The following COL7A1 variants were observed in gnomAD, a reference collection of about 807,000 sequenced individuals.
COL7A1 encodes the protein collagen type VII alpha 1 chain, also known as collagen alpha-1(VII) chain.
In COL7A1, 296 loss-of-function variants were observed where a neutral mutation model predicts 456.2. That is an observed-to-expected ratio of 0.65 (90% CI 0.59 to 0.71). COL7A1 has a LOEUF of 0.71. Ranked by LOEUF, COL7A1 falls within the 30% of genes least tolerant of loss-of-function variation. The probability of loss-of-function intolerance (pLI) is 0.00; values close to 1 mark genes in which losing one functional copy is unlikely to be tolerated. For synonymous variants in COL7A1, 1,464 were observed against 1,525.9 expected, an observed-to-expected ratio of 0.96 and a Z score of 0.95; for missense variants, 3,441 against 4,017.2, an observed-to-expected ratio of 0.86 and a Z score of 3.88.
In COL7A1 at chr3:48,580,325, C is replaced by A. The variant is rs759183554; in HGVS notation, c.5072G>T (p.Gly1691Val). The change falls in exon 56 of 119, where the codon GGA becomes GTA. Residue 1691 changes from glycine to valine, a missense_variant. This residue lies in a region of COL7A1 where 2,084 missense variants were observed against 2,501.3 expected (regional missense o/e 0.83). Transcript: ENST00000681320. This position sits in a 1 kb window ranked among gnomAD's most constrained non-coding sequence, Gnocchi z 4.5. ...DGRNGSPGSSGPKGDRGEPGP... is the reference protein window; with the variant it reads ...DGRNGSPGSSVPKGDRGEPGP... ...CGGCTCCCCACGGTCACCCTTGGGTCCAGATGATCCAGGGCTGCCCTGCAG... is the reference window on the plus strand; with the variant it reads ...CGGCTCCCCACGGTCACCCTTGGGTACAGATGATCCAGGGCTGCCCTGCAG... 1.2e-6 allele frequency: 2 copies of A among 1,610,076 alleles called. No homozygotes were observed. The highest frequency in any genetic ancestry group is 1.1e-5 in the South Asian group (1 of 90,306).
At position 48,576,930 on chromosome 3, in the gene COL7A1, CA is replaced by C; in HGVS notation, c.5569-12del. 6.2e-7 allele frequency: 1 copy of C among 1,614,050 alleles called. No individual in the cohort carries two copies. ...ATCTCCTTTCTCTCCCTAAGGAAGA[CA>C]AGGATGCTTCAGGCATGGCTCCAAG... On this transcript the variant is annotated splice_polypyrimidine_tract_variant and intron_variant, in intron 66 of 118. Transcript: ENST00000681320.
In COL7A1 at chr3:48,565,761, G is replaced by A. The variant is rs559436630; in HGVS notation, c.8408-93C>T. 3 of 1,202,264 alleles carry A rather than the reference G, an allele frequency of 2.5e-6. No individual in the cohort carries two copies. The Admixed American group carries it at 5.9e-5, about 24-fold the overall frequency. 74.5% of individuals were successfully genotyped at this position (1,202,264 alleles called of 1,614,324 possible). ...AGAGACACACAGGCAGAGGGGTAGA[G>A]ATACACAAAGAGATAGCAGGAGAGG... On this transcript the variant is annotated intron_variant, in intron 114 of 118. Coordinates refer to ENST00000681320, the MANE Select transcript of COL7A1 (RefSeq NM_000094.4). The surrounding 1 kb of genome is among the most constrained non-coding windows in gnomAD (Gnocchi z 4.5).
rs1029171935 is a variant in COL7A1 at position 48,579,336 on chromosome 3, C to A, written c.5307+33G>T. The A allele has an allele frequency of 2.5e-6, 4 of 1,614,070 alleles. No homozygotes were observed. The highest frequency in any genetic ancestry group is 3.4e-6 in the Non-Finnish European group (4 of 1,180,042). On this transcript the variant is annotated intron_variant, in intron 61 of 118. Transcript: ENST00000681320. This position sits in a 1 kb window ranked among gnomAD's most constrained non-coding sequence, Gnocchi z 4.4. The stretch of plus-strand genomic sequence containing the variant: ...GCTGAGGTGGATCTGATAACCCAGG[C>A]TCATGTCCTGAGAAACCCCCACACC...
At position 48,593,366 on chromosome 3, in the gene COL7A1, T is replaced by C. The variant is rs1227414518; in HGVS notation, c.510A>G (p.Leu170=). 6.8e-6 allele frequency: 11 copies of C among 1,613,842 alleles called. No individual in the cohort carries two copies. Among genetic ancestry groups the C allele is most frequent in the African/African-American group, 1.3e-5 (1 of 74,866 alleles). ...CTGCTCGGTCCTTACCCACAGCAAATAGCTTGACCCCCTGCCCCTTCAGCC... is the reference window on the plus strand; with the variant it reads ...CTGCTCGGTCCTTACCCACAGCAAACAGCTTGACCCCCTGCCCCTTCAGCC... The part of the protein sequence containing the change: ...AQRLKGQGVK[L]FAVGIKNADP... The change falls in exon 5 of 119, where the codon CTA becomes CTG. Residue 170 remains leucine (L), a synonymous_variant. Coordinates refer to ENST00000681320, the MANE Select transcript of COL7A1 (RefSeq NM_000094.4). This position sits in a 1 kb window ranked among gnomAD's most constrained non-coding sequence, Gnocchi z 4.4.
Position 48,586,673 on chromosome 3 carries a change from T to A in COL7A1, c.3293A>T (p.Tyr1098Phe). 2 of 1,599,058 alleles carry A rather than the reference T, an allele frequency of 1.3e-6. No homozygotes were observed. Among genetic ancestry groups the A allele is most frequent in the Non-Finnish European group, 1.7e-6 (2 of 1,172,576 alleles). The stretch of plus-strand genomic sequence containing the variant: ...GAACAGTGGGGAGGGCCGATGACTG[T>A]AAGACAGCAGGCCAACCTGGGGTGG... ...PQAVQVGLLSYSHRPSPLFPL... is the reference protein window; with the variant it reads ...PQAVQVGLLSFSHRPSPLFPL... Residue 1098 changes from tyrosine (Y) to phenylalanine (F), a missense_variant, in exon 26 of 119, where the codon TAC becomes TTC. This residue lies in a region of COL7A1 where 444 missense variants were observed against 427.6 expected (regional missense o/e 1.04). Transcript: ENST00000681320. The surrounding 1 kb of genome is among the most constrained non-coding windows in gnomAD (Gnocchi z 5.1).
At position 48,582,997 on chromosome 3, in the gene COL7A1, C is replaced by T. The variant is rs758736090; in HGVS notation, c.4518+16G>A. The stretch of plus-strand genomic sequence containing the variant: ...GCCAGGTCAGCTGGTATGAGCATTG[C>T]AGCCAGTGGGTTTACCCGGGATCCC... On this transcript the variant is annotated intron_variant, in intron 44 of 118. Coordinates refer to ENST00000681320, the MANE Select transcript of COL7A1 (RefSeq NM_000094.4). 1 of 1,613,938 alleles carries T rather than the reference C, an allele frequency of 6.2e-7. No homozygotes were observed. The highest frequency in any genetic ancestry group is 1.3e-5 in the African/African-American group (1 of 74,876).
chr3:48,593,627 G>A lies in COL7A1; in HGVS notation c.336C>T (p.Tyr112=). The change falls in exon 4 of 119, where the codon TAC becomes TAT. Residue 112 remains tyrosine (Y), a synonymous_variant. Coordinates refer to ENST00000681320, the MANE Select transcript of COL7A1 (RefSeq NM_000094.4). The surrounding 1 kb of genome is among the most constrained non-coding windows in gnomAD (Gnocchi z 4.4). ...DVIRAIRELS[Y]KGGNTRTGAA... ...CCCCTGTGCGAGTGTTGCCCCCCTT[G>A]TAGCTAAGCTCACGGATGGCGCGGA... 1.2e-6 allele frequency: 2 copies of A among 1,614,198 alleles called. No homozygotes were observed. Among genetic ancestry groups the A allele is most frequent in the Non-Finnish European group, 1.7e-6 (2 of 1,180,030 alleles).
At position 48,573,964 on chromosome 3, in the gene COL7A1, T is replaced by C; in HGVS notation, c.6502-74A>G. 1.3e-6 allele frequency: 2 copies of C among 1,569,528 alleles called. No homozygotes were observed. The highest frequency in any genetic ancestry group is 1.7e-6 in the Non-Finnish European group (2 of 1,150,742). ...CTGTTCCCAACCTCTGGGGGCTTTT[T>C]CCTTGGGGGTCAATTTCCATACCTC... On this transcript the variant is annotated intron_variant, in intron 80 of 118. Transcript: ENST00000681320. This position sits in a 1 kb window ranked among gnomAD's most constrained non-coding sequence, Gnocchi z 5.5.
Position 48,587,742 on chromosome 3 carries a change from C to T in COL7A1, c.2857+51G>A, listed in dbSNP as rs1278690061. 1.2e-6 allele frequency: 2 copies of T among 1,613,090 alleles called. No individual in the cohort carries two copies. The highest frequency in any genetic ancestry group is 1.1e-5 in the South Asian group (1 of 91,056). ...CACTCAGAGTCGGGGTGCAGGAAGT[C>T]AGGGTGGGTCATCAGCAGGGGAGGA... On this transcript the variant is annotated intron_variant, in intron 22 of 118. Transcript: ENST00000681320. This position sits in a 1 kb window ranked among gnomAD's most constrained non-coding sequence, Gnocchi z 6.1.
At position 48,567,624 on chromosome 3, in the gene COL7A1, C is replaced by T. The variant is rs1449023738; in HGVS notation, c.7996G>A (p.Val2666Met). ...GHKGEMGEPG[V>M]PGQSGAPGKE... The stretch of plus-strand genomic sequence containing the variant: ...CCAGGGGCCCCCGACTGGCCCGGCA[C>T]ACCAGGCTCCCCCTGGAGAAAAAAA... Residue 2666 changes from valine (V) to methionine (M), a missense_variant, in exon 109 of 119, where the codon GTG becomes ATG. Around this residue, in one of 3 missense-constraint regions of COL7A1, gnomAD observed 2,084 missense variants for 2,501.3 expected, o/e 0.83. Transcript: ENST00000681320. The surrounding 1 kb of genome is among the most constrained non-coding windows in gnomAD (Gnocchi z 4.3). 2 of 1,613,976 alleles carry T rather than the reference C, an allele frequency of 1.2e-6. No individual in the cohort carries two copies. Among genetic ancestry groups the T allele is most frequent in the Non-Finnish European group, 1.7e-6 (2 of 1,180,012 alleles).
Position 48,565,265 on chromosome 3 carries a change from C to A in COL7A1, c.8528-64G>T. ...TGGCCCCGGGGCAAGGTGGGCAGCACTGATTTCCACTGTGTGCACACAGTG... is the reference window on the plus strand; with the variant it reads ...TGGCCCCGGGGCAAGGTGGGCAGCAATGATTTCCACTGTGTGCACACAGTG... On this transcript the variant is annotated intron_variant, in intron 116 of 118. Transcript: ENST00000681320. The surrounding 1 kb of genome is among the most constrained non-coding windows in gnomAD (Gnocchi z 4.5). 6.6e-7 allele frequency: 1 copy of A among 1,526,094 alleles called. No homozygotes were observed. Among genetic ancestry groups the A allele is most frequent in the Non-Finnish European group, 9.0e-7 (1 of 1,110,932 alleles). 94.5% of individuals were successfully genotyped at this position (1,526,094 alleles called of 1,614,324 possible).
At position 48,567,057 on chromosome 3, in the gene COL7A1, G is replaced by A. The variant is rs1259873709; in HGVS notation, c.8110-34C>T. 3 of 1,613,208 alleles carry A rather than the reference G, an allele frequency of 1.9e-6. No homozygotes were observed. Among genetic ancestry groups the A allele is most frequent in the Non-Finnish European group, 1.7e-6 (2 of 1,179,456 alleles). ...ATATAGGACAGAGTCAGTAATCAGA[G>A]GCCCCAGAGATGGACCCTCTCCCAA... is the stretch of plus-strand genomic sequence containing the variant. On this transcript the variant is annotated intron_variant, in intron 110 of 118. Transcript: ENST00000681320. This position sits in a 1 kb window ranked among gnomAD's most constrained non-coding sequence, Gnocchi z 4.3.
In COL7A1 at chr3:48,588,710, T is replaced by C; in HGVS notation, c.2519A>G (p.Tyr840Cys). The C allele has an allele frequency of 3.7e-6, 6 of 1,613,828 alleles. No individual in the cohort carries two copies. Among genetic ancestry groups the C allele is most frequent in the Non-Finnish European group, 5.1e-6 (6 of 1,180,028 alleles). ...GACAAGTGCAGTCACTCGCACTGAG[T>C]AGCTGACTCCACCTTCGAGACCCCG... is the stretch of plus-strand genomic sequence containing the variant. ...EIRGLEGGVS[Y>C]SVRVTALVGD... Residue 840 changes from tyrosine to cysteine, a missense_variant, in exon 20 of 119, where the codon TAC becomes TGC. Coordinates refer to ENST00000681320, the MANE Select transcript of COL7A1 (RefSeq NM_000094.4). This position sits in a 1 kb window ranked among gnomAD's most constrained non-coding sequence, Gnocchi z 4.6.
chr3:48,580,289 GC>G lies in COL7A1; in HGVS notation c.5097+10del. ...CATCCCTTCTGAGCCCAGGACACCA[GC>G]CCTACTCACCGGCTCCCCACGGTCA... On this transcript the variant is annotated intron_variant, in intron 56 of 118. Transcript: ENST00000681320. This position sits in a 1 kb window ranked among gnomAD's most constrained non-coding sequence, Gnocchi z 4.5. 1 of 1,609,458 alleles carries G rather than the reference GC, an allele frequency of 6.2e-7. No individual in the cohort carries two copies. The highest frequency in any genetic ancestry group is 1.3e-5 in the African/African-American group (1 of 74,916).
chr3:48,578,145 C>G lies in COL7A1; in HGVS notation c.5532+176G>C, dbSNP rs974137181. ...TGCCACTGCACTCCAACCTGGGCAACAAGAGCGAAACTCCATCTCAAAAAA... is the reference window on the plus strand; with the variant it reads ...TGCCACTGCACTCCAACCTGGGCAAGAAGAGCGAAACTCCATCTCAAAAAA... On this transcript the variant is annotated intron_variant, in intron 65 of 118. Coordinates refer to ENST00000681320, the MANE Select transcript of COL7A1 (RefSeq NM_000094.4). This position sits in a 1 kb window ranked among gnomAD's most constrained non-coding sequence, Gnocchi z 4.7. 1.3e-5 allele frequency among the ~76,000 whole-genome samples: 2 copies of G among 151,354 alleles called. No homozygotes were observed. The highest frequency in any genetic ancestry group is 2.9e-5 in the Non-Finnish European group (2 of 67,930).
Position 48,574,820 on chromosome 3 carries a change from G to C in COL7A1, c.6325C>G (p.Pro2109Ala). 6.2e-7 allele frequency: 1 copy of C among 1,613,988 alleles called. No homozygotes were observed. Among genetic ancestry groups the C allele is most frequent in the East Asian group, 2.2e-5 (1 of 44,886 alleles). ...ACCTTAGCACCCTTGAGTCCAGGGG[G>C]TCCCTGTTCTCCAGAGAGTCCAGGA... ...PGPGLSGEQG[P>A]PGLKGAKGEP... is the part of the protein sequence containing the mutation. The change falls in exon 77 of 119, where the codon CCC becomes GCC. Residue 2109 changes from proline to alanine, a missense_variant. By Grantham distance (27) the Pro-to-Ala change is conservative. Around this residue, in one of 3 missense-constraint regions of COL7A1, gnomAD observed 2,084 missense variants for 2,501.3 expected, o/e 0.83. Transcript: ENST00000681320. The surrounding 1 kb of genome is among the most constrained non-coding windows in gnomAD (Gnocchi z 5.0).
At position 48,587,384 on chromosome 3, in the gene COL7A1, A is replaced by G. The variant is rs770097088; in HGVS notation, c.2992+36T>C. On this transcript the variant is annotated intron_variant, in intron 23 of 118. Coordinates refer to ENST00000681320, the MANE Select transcript of COL7A1 (RefSeq NM_000094.4). This position sits in a 1 kb window ranked among gnomAD's most constrained non-coding sequence, Gnocchi z 6.1. ...AAAAAGCTGTCTCCACAGAGCCCCAACTGCCAGCCCACCCAAATCCTGGCC... is the reference window on the plus strand; with the variant it reads ...AAAAAGCTGTCTCCACAGAGCCCCAGCTGCCAGCCCACCCAAATCCTGGCC... 10 of 1,612,836 alleles carry G rather than the reference A, an allele frequency of 6.2e-6. No individual in the cohort carries two copies. The African/African-American group carries it at 6.7e-5, about 11-fold the overall frequency.
Position 48,566,511 on chromosome 3 carries a change from G to A in COL7A1, c.8357C>T (p.Thr2786Met), listed in dbSNP as rs758840116. Residue 2786 changes from threonine to methionine, a missense_variant and splice_region_variant, in exon 113 of 119, where the codon ACG (threonine) becomes ATG (methionine). Around this residue, in one of 3 missense-constraint regions of COL7A1, gnomAD observed 2,084 missense variants for 2,501.3 expected, o/e 0.83. Coordinates refer to ENST00000681320, the MANE Select transcript of COL7A1 (RefSeq NM_000094.4). The surrounding 1 kb of genome is among the most constrained non-coding windows in gnomAD (Gnocchi z 5.9). ...PRGEKGEAAL[T>M]EDDIRGFVRQ... ...AGGCCCATCCAGGCCCACACTCACC[G>A]TCAGTGCAGCTTCTCCCTTCTCGCC... 2.9e-5 allele frequency: 43 copies of A among 1,504,366 alleles called. No homozygotes were observed. Among genetic ancestry groups the A allele is most frequent in the Admixed American group, 7.1e-5 (4 of 56,654 alleles). 93.2% of individuals were successfully genotyped at this position (1,504,366 alleles called of 1,614,324 possible).
At chr3:48,577,983 G>A (rs1426895562) in intron 65 of COL7A1, among the ~76,000 whole-genome samples, 1 of 152,128 alleles carries the variant, frequency 6.6e-6, no homozygotes, top group Admixed American at 6.5e-5. Flanking sequence ...TGACTAACAT[G>A]GAGAAACCCC....
Sources: allele counts gnomAD v4.1 joint callset (sites outside exome capture counted in the v4.1 genomes callset), GRCh38; gene constraint gnomAD v4.1.1; regional missense constraint gnomAD v4.1.1; non-coding constraint Gnocchi (gnomAD v3.1); transcripts MANE v1.5; gene names NCBI Gene and HGNC (gene_info 2026-07-23, HGNC 2026-07-21).